The following MKLN1 variants were observed in gnomAD, a reference collection of about 807,000 sequenced individuals.
MKLN1 encodes the protein muskelin.
MKLN1 carries 18 observed loss-of-function variants against 99.0 expected under a neutral mutation model. That is an observed-to-expected ratio of 0.18 (90% confidence interval 0.13 to 0.27). MKLN1 has a LOEUF of 0.27. MKLN1 is among the 10% of genes least tolerant of loss of function. MKLN1 has a pLI of 1.00. For missense variants in MKLN1, 621 were observed against 875.9 expected (o/e 0.71, Z 3.67); for synonymous variants, 288 against 293.2 (o/e 0.98, Z 0.18).
At chr7:131,111,769 CATAA>C (rs56257390) in intron 1 of MKLN1, among the ~76,000 whole-genome samples, 38,325 of 151,206 alleles carry the variant, frequency 0.25, 5,475 homozygotes, top group East Asian at 0.41. Flanking sequence ...AAATGAAACG[CATAA>C]ATAAATAAAT....
At chr7:131,344,958 C>T (rs372810910) in intron 1 of MKLN1, among the ~76,000 whole-genome samples, 14 of 152,098 alleles carry the variant, frequency 9.2e-5, no homozygotes, top group Non-Finnish European at 1.5e-4. Context: ...CGCACCACTG[C>T]GCCTGGCTAA....
rs117640673 is a variant in MKLN1 at position 131,209,969 on chromosome 7, G to C, written c.-179+6995G>C. 2.3e-4 allele frequency among the ~76,000 whole-genome samples: 35 copies of C among 152,240 alleles called. 1 individual carries two copies. The East Asian group carries it at 6.6e-3, about 29-fold the overall frequency. On this transcript the variant is annotated intron_variant, in intron 3 of 7. Coordinates refer to the MKLN1 transcript ENST00000416992. ...GAAAAAAAAATTTACCTGATTCCTG[G>C]GTAGTATAGATGAGCAGCTGGGTCA...
At chr7:131,139,547 TG>T (rs1195917701) in intron 1 of MKLN1, among the ~76,000 whole-genome samples, 2 of 152,224 alleles carry the variant, frequency 1.3e-5, no homozygotes, top group Non-Finnish European at 2.9e-5. Flanking sequence ...GCCAGCTGTT[TG>T]TTCCAGACTC....
At chr7:131,320,431 A>C (rs1289363112) in intron 3 of MKLN1, among the ~76,000 whole-genome samples, 2 of 152,250 alleles carry the variant, frequency 1.3e-5, no homozygotes, top group African/African-American at 4.8e-5. Flanking sequence ...AATTAACTCA[A>C]GATAGATTAA....
chr7:131,282,366 A>AG (rs1011792013), intron 3 of MKLN1, among the ~76,000 whole-genome samples: 5 of 151,822 alleles, frequency 3.3e-5, no homozygotes, highest in African/African-American at 1.2e-4. Flanking sequence ...AAAAAAAAAA[A>AG]AAAGAAAGAT....
At chr7:131,376,397 A>G (rs1333645624) in intron 2 of MKLN1, among the ~76,000 whole-genome samples, 1 of 149,798 alleles carries the variant, frequency 6.7e-6, no homozygotes, top group Non-Finnish European at 1.5e-5. Flanking sequence ...TAATCCCAGC[A>G]CTTTGGGAGG....
intron 1 of MKLN1, among the ~76,000 whole-genome samples, chr7:131,137,214 G>A (rs1541959): frequency 6.6e-6 from 1 of 151,986 alleles, no homozygotes; most frequent in South Asian, 2.1e-4. Context: ...GCACATTATC[G>A]TGTTTATTGA....
chr7:131,255,523 G>A (rs1248756566), intron 3 of MKLN1, among the ~76,000 whole-genome samples: 1 of 152,190 alleles, frequency 6.6e-6, no homozygotes, highest in African/African-American at 2.4e-5. Context: ...AATGCTGAAA[G>A]GAAAATTTTT....
chr7:131,227,060 G>A (rs901906657), intron 3 of MKLN1, among the ~76,000 whole-genome samples: 3 of 152,164 alleles, frequency 2.0e-5, no homozygotes, highest in Admixed American at 1.3e-4. Flanking sequence ...TTCTATGGTC[G>A]ACCTCAAATC....
intron 16 of MKLN1, among the ~76,000 whole-genome samples, chr7:131,472,424 A>G (rs759420586): frequency 6.6e-6 from 1 of 152,234 alleles, no homozygotes; most frequent in Non-Finnish European, 1.5e-5. Flanking sequence ...TCTCAAGTTC[A>G]TTTGAGCCAT....
intron 1 of MKLN1, among the ~76,000 whole-genome samples, chr7:131,330,553 C>T (rs1284800602): frequency 2.0e-5 from 3 of 152,118 alleles, no homozygotes; most frequent in African/African-American, 7.2e-5. Context: ...TAGATGGAAC[C>T]AGAATTTGAA....
At chr7:131,405,377 A>G (rs973066927) in intron 6 of MKLN1, among the ~76,000 whole-genome samples, 1 of 151,746 alleles carries the variant, frequency 6.6e-6, no homozygotes, top group Admixed American at 6.6e-5. Flanking sequence ...CCATCAGCAC[A>G]TGTTTATCAA....
intron 2 of MKLN1, among the ~76,000 whole-genome samples, chr7:131,156,251 G>C (rs1443351417): frequency 6.6e-6 from 1 of 152,048 alleles, no homozygotes; most frequent in East Asian, 1.9e-4. Flanking sequence ...TATTCGACCA[G>C]GCGCGGTGGC....
intron 2 of MKLN1, among the ~76,000 whole-genome samples, chr7:131,193,789 T>A (rs560141410): frequency 7.9e-5 from 12 of 152,128 alleles, no homozygotes; most frequent in Admixed American, 2.6e-4. Flanking sequence ...CAGCTAATTT[T>A]AAAAATTTTT....
intron 2 of MKLN1, among the ~76,000 whole-genome samples, chr7:131,202,309 G>T (rs1037245340): frequency 6.6e-6 from 1 of 151,722 alleles, no homozygotes; most frequent in East Asian, 1.9e-4. Flanking sequence ...AGAGACAGGG[G>T]TTTCACCATG....
chr7:131,426,264 A>G (rs550092626), intron 8 of MKLN1, among the ~76,000 whole-genome samples: 5 of 152,360 alleles, frequency 3.3e-5, no homozygotes, highest in African/African-American at 1.2e-4. Flanking sequence ...AGGGTTATTA[A>G]AGTTAATGAA....
rs1480078467 is a variant in MKLN1, at chr7:131,180,971, C to T, written c.-296-21886C>T. Among the ~76,000 whole-genome samples, 4 of 152,166 alleles carry T rather than the reference C, an allele frequency of 2.6e-5. No individual in the cohort carries two copies. In the East Asian group the frequency reaches 5.8e-4, roughly 22 times the overall value. On this transcript the variant is annotated intron_variant, in intron 2 of 7. Coordinates refer to the MKLN1 transcript ENST00000416992. ...CATTTGTGTTATAATATCTGTCCCT[C>T]GTGCTCTCTCTCAATATCAAGAGTA...
chr7:131,152,328 A>G (rs1377181637), intron 2 of MKLN1, among the ~76,000 whole-genome samples: 1 of 152,152 alleles, frequency 6.6e-6, no homozygotes, highest in Non-Finnish European at 1.5e-5. Context: ...TCTAAAATGT[A>G]TATATTTCAA....
intron 3 of MKLN1, among the ~76,000 whole-genome samples, chr7:131,307,413 C>A (rs948187662): frequency 1.3e-5 from 2 of 152,098 alleles, no homozygotes; most frequent in Non-Finnish European, 2.9e-5. Flanking sequence ...ATCCTCCAGG[C>A]CCCAGAATGG....
Sources: allele counts gnomAD v4.1 joint callset (sites outside exome capture counted in the v4.1 genomes callset), GRCh38; gene constraint gnomAD v4.1.1; transcripts MANE v1.5; gene names NCBI Gene and HGNC (gene_info 2026-07-23, HGNC 2026-07-21).